Variants in FOXP2 observed in about 807,000 individuals in gnomAD.
The protein encoded by FOXP2 is forkhead box P2.
FOXP2 carries 12 observed loss-of-function variants against 115.8 expected under a neutral mutation model. The ratio of observed to expected loss-of-function variants is 0.10; its 90% CI spans 0.07 to 0.17. The LOEUF is 0.17. Among genes scored for constraint, FOXP2 ranks in the 10% least tolerant of loss-of-function variants. The probability of loss-of-function intolerance (pLI) is 1.00; values close to 1 mark genes in which losing one functional copy is unlikely to be tolerated. For synonymous variants in FOXP2, 328 were observed against 297.7 expected, an observed-to-expected ratio of 1.10 and a Z score of -1.05; for missense variants, 629 against 843.5, an observed-to-expected ratio of 0.75 and a Z score of 3.15.
In FOXP2 at chr7:114,406,509, T is replaced by C. The variant is rs147840567; in HGVS notation, c.-10-19993T>C. Among the ~76,000 whole-genome samples, 5 of 152,082 alleles carry C rather than the reference T, an allele frequency of 3.3e-5. No individual in the cohort carries two copies. In the East Asian group the frequency reaches 9.6e-4, roughly 29 times the overall value. On this transcript the variant is annotated intron_variant, in intron 2 of 17. Coordinates refer to the FOXP2 transcript ENST00000634411. ...TATGCATTTTAGCTTTATTTTCAGATATCCATTATACATGACTTATTAAAA... is the reference window on the plus strand; with the variant it reads ...TATGCATTTTAGCTTTATTTTCAGACATCCATTATACATGACTTATTAAAA...
chr7:114,188,013 T>G (rs1430507378), intron 1 of FOXP2, among the ~76,000 whole-genome samples: 1 of 152,172 alleles, frequency 6.6e-6, no homozygotes, highest in African/African-American at 2.4e-5. Flanking sequence ...ACTATTACAA[T>G]GGCAATTACA....
Position 114,627,872 on chromosome 7 carries a change from G to T in FOXP2, c.259-668G>T, listed in dbSNP as rs149832992. Among the ~76,000 whole-genome samples, 810 of 152,096 alleles carry T rather than the reference G, an allele frequency of 5.3e-3. 4 individuals carry two copies. The highest frequency in any genetic ancestry group is 8.3e-3 in the Non-Finnish European group (564 of 67,940). On this transcript the variant is annotated intron_variant, in intron 3 of 16. Transcript: ENST00000350908. ...GAAGAAGCTAGAATACTAGTTATAT[G>T]AGTTCTTCTTTCAGAAGACCTATGT...
rs540760143 is a variant in FOXP2, at chr7:114,689,771, A to T, written c.2004-11A>T. On this transcript the variant is annotated splice_polypyrimidine_tract_variant and intron_variant, in intron 16 of 16. Coordinates refer to ENST00000350908, the MANE Select transcript of FOXP2 (RefSeq NM_014491.4). Reference sequence around the variant, plus strand: ...CTTAGTAAAATTTTGGTGTATCTACATGTTTTTCAGACATTCAATCCACGT... The same window carrying T: ...CTTAGTAAAATTTTGGTGTATCTACTTGTTTTTCAGACATTCAATCCACGT... The T allele has an allele frequency of 6.2e-7, 1 of 1,612,920 alleles. No individual in the cohort carries two copies. The highest frequency in any genetic ancestry group is 1.1e-5 in the South Asian group (1 of 91,064).
intron 10 of FOXP2, 167 bp downstream of exon 10, chr7:114,654,176 A>G: frequency 6.8e-7 from 1 of 1,466,154 alleles, no homozygotes; most frequent in South Asian, 1.3e-5. Flanking sequence ...CTTTTAAAGT[A>G]ATGCTATCTT....
intron 2 of FOXP2, among the ~76,000 whole-genome samples, chr7:114,526,991 A>ATTTTTTTTTTTTTTTT (rs200748852): frequency 1.6e-5 from 2 of 128,846 alleles, no homozygotes. Flanking sequence ...CCACTAATCT[A>ATTTTTTTTTTTTTTTT]TTTTTTTTTT....
intron 2 of FOXP2, among the ~76,000 whole-genome samples, chr7:114,389,835 C>A (rs1199425602): frequency 6.6e-6 from 1 of 151,890 alleles, no homozygotes; most frequent in East Asian, 1.9e-4. Flanking sequence ...ACTAGCCTGG[C>A]CAACATGGTG....
chr7:114,540,884 A>T (rs1799627043), intron 3 of FOXP2, among the ~76,000 whole-genome samples: 1 of 152,082 alleles, frequency 6.6e-6, no homozygotes, highest in African/African-American at 2.4e-5. Context: ...GGGGTTAGAA[A>T]TACACATCGC....
intron 3 of FOXP2, among the ~76,000 whole-genome samples, chr7:114,609,959 T>A (rs1476271083): frequency 1.3e-5 from 2 of 152,240 alleles, no homozygotes; most frequent in African/African-American, 4.8e-5. Flanking sequence ...TTTTGTAAAA[T>A]GTCACATAGG....
chr7:114,446,516 A>G (rs1261880404), intron 2 of FOXP2, among the ~76,000 whole-genome samples: 1 of 151,990 alleles, frequency 6.6e-6, no homozygotes, highest in Non-Finnish European at 1.5e-5. Context: ...TGTAAACAGT[A>G]AAACTGAGAT....
At chr7:114,517,214 G>C (rs1296597133) in intron 2 of FOXP2, among the ~76,000 whole-genome samples, 1 of 151,672 alleles carries the variant, frequency 6.6e-6, no homozygotes, top group Non-Finnish European at 1.5e-5. Context: ...TCTTATTATT[G>C]AGTTGTTTGA....
intron 16 of FOXP2, chr7:114,666,194 A>G (rs1043743947): frequency 6.6e-6 from 1 of 152,044 alleles, no homozygotes; most frequent in Admixed American, 6.6e-5. Context: ...AAAAATACTT[A>G]TGTTTATTTT....
intron 13 of FOXP2, chr7:114,661,745 C>A: frequency 2.8e-6 from 1 of 357,580 alleles, no homozygotes; most frequent in Non-Finnish European, 5.4e-6. Flanking sequence ...CACAACAGAG[C>A]TGACCTAATT....
intron 1 of FOXP2, among the ~76,000 whole-genome samples, chr7:114,266,715 C>T (rs1471148075): frequency 6.6e-6 from 1 of 152,142 alleles, no homozygotes; most frequent in Non-Finnish European, 1.5e-5. Context: ...AGGAGGATTA[C>T]TGGATTTGCT....
chr7:114,215,440 T>C (rs1346015105), intron 1 of FOXP2, among the ~76,000 whole-genome samples: 1 of 152,174 alleles, frequency 6.6e-6, no homozygotes, highest in Non-Finnish European at 1.5e-5. Flanking sequence ...ATTACTAGGT[T>C]CAACCATAAG....
chr7:114,558,271 A>G (rs1288038600), intron 3 of FOXP2, among the ~76,000 whole-genome samples: 1 of 152,192 alleles, frequency 6.6e-6, no homozygotes, highest in Non-Finnish European at 1.5e-5. Flanking sequence ...TTACCATTAA[A>G]TCTTTATTTA....
At chr7:114,654,783 TG>T (rs2129339011) in intron 10 of FOXP2, among the ~76,000 whole-genome samples, 1 of 152,244 alleles carries the variant, frequency 6.6e-6, no homozygotes, top group African/African-American at 2.4e-5. Context: ...ATAAGGCCCC[TG>T]TATAGCCTGA....
At chr7:114,164,957 C>T (rs996412552) in intron 1 of FOXP2, among the ~76,000 whole-genome samples, 2 of 129,914 alleles carry the variant, frequency 1.5e-5, no homozygotes, top group Non-Finnish European at 3.3e-5. Context: ...AAAACCTCTA[C>T]CCCCCAAAAT....
At chr7:114,235,901 C>G (rs1794996278) in intron 1 of FOXP2, among the ~76,000 whole-genome samples, 2 of 152,190 alleles carry the variant, frequency 1.3e-5, no homozygotes, top group African/African-American at 4.8e-5. Flanking sequence ...CTCTGTAAAG[C>G]ATTCTTTGAT....
At chr7:114,555,568 G>A (rs368696157) in intron 3 of FOXP2, among the ~76,000 whole-genome samples, 1 of 152,000 alleles carries the variant, frequency 6.6e-6, no homozygotes, top group African/African-American at 2.4e-5. Context: ...AGACTGAGGC[G>A]GGCAGATCAC....
Sources: gnomAD v4.1 joint callset for allele counts (sites outside exome capture counted in the v4.1 genomes callset) on GRCh38, gnomAD v4.1.1 for gene constraint, MANE v1.5 for transcripts, NCBI Gene and HGNC (gene_info 2026-07-23, HGNC 2026-07-21) for gene names.